PDE11A: variants seen among roughly 807,000 people sequenced by gnomAD.
The protein encoded by PDE11A is dual 3',5'-cyclic-AMP and -GMP phosphodiesterase 11A.
Under a neutral mutation model 100.5 loss-of-function variants are expected in PDE11A, and 100 were observed. The ratio of observed to expected loss-of-function variants is 1.00; its 90% confidence interval spans 0.85 to 1.18. The LOEUF is 1.18. Among genes scored for constraint, PDE11A ranks in the 50% most tolerant of loss-of-function variants. PDE11A has a pLI of 0.00. For synonymous variants in PDE11A, 381 were observed against 420.8 expected, an observed-to-expected ratio of 0.91 and a Z score of 1.16; for missense variants, 1,141 against 1,152.6, an observed-to-expected ratio of 0.99 and a Z score of 0.15.
At chr2:177,814,461 C>T (rs1223025253) in intron 9 of PDE11A, among the ~76,000 whole-genome samples, 2 of 152,072 alleles carry the variant, frequency 1.3e-5, no homozygotes, top group Non-Finnish European at 2.9e-5. Context: ...GCCACCTGAT[C>T]ACTAGTGTCA....
intron 2 of PDE11A, among the ~76,000 whole-genome samples, chr2:178,004,556 T>G (rs1301829579): frequency 6.6e-6 from 1 of 152,216 alleles, no homozygotes; most frequent in East Asian, 1.9e-4. Flanking sequence ...ATAACAATTT[T>G]GCCTGCCAAC....
intron 10 of PDE11A, among the ~76,000 whole-genome samples, chr2:177,766,646 C>T (rs540612506): frequency 7.2e-5 from 11 of 152,134 alleles, no homozygotes; most frequent in South Asian, 2.1e-4. Context: ...TTTCAGTAAA[C>T]GCTTTTCACT....
intron 2 of PDE11A, among the ~76,000 whole-genome samples, chr2:177,999,821 A>C (rs2086122110): frequency 6.6e-6 from 1 of 151,870 alleles, no homozygotes; most frequent in African/African-American, 2.4e-5. Flanking sequence ...TTTTATTTAA[A>C]CCCCCTTTCA....
chr2:177,823,370 A>T (rs7605744), intron 6 of PDE11A, among the ~76,000 whole-genome samples: 16,225 of 152,244 alleles, frequency 0.11, 1,142 homozygotes, highest in Non-Finnish European at 0.15. Flanking sequence ...TGTTTAGAGA[A>T]ATCAGGAGCA....
intron 13 of PDE11A, among the ~76,000 whole-genome samples, chr2:177,703,975 G>A (rs1227978318): frequency 1.3e-5 from 2 of 152,096 alleles, no homozygotes; most frequent in African/African-American, 4.8e-5. Flanking sequence ...TTCCCTCTTT[G>A]TTCTCTTTTG....
At chr2:177,634,051 T>A (rs2079994868) in intron 19 of PDE11A, among the ~76,000 whole-genome samples, 1 of 152,166 alleles carries the variant, frequency 6.6e-6, no homozygotes, top group Non-Finnish European at 1.5e-5. Context: ...CCCTGGCAGG[T>A]ACCCAAGCAT....
At chr2:177,894,181 T>A (rs535551544) in intron 4 of PDE11A, among the ~76,000 whole-genome samples, 1 of 152,286 alleles carries the variant, frequency 6.6e-6, no homozygotes, top group East Asian at 1.9e-4. Context: ...TGCACAGAAC[T>A]GTGACACCTA....
At chr2:177,735,932 T>C (rs1338410228) in intron 10 of PDE11A, among the ~76,000 whole-genome samples, 1 of 152,196 alleles carries the variant, frequency 6.6e-6, no homozygotes, top group Non-Finnish European at 1.5e-5. Flanking sequence ...GTCCCAATTT[T>C]AGTTGTGGCA....
At chr2:177,650,218 A>G (rs2080288101) in intron 19 of PDE11A, among the ~76,000 whole-genome samples, 1 of 152,150 alleles carries the variant, frequency 6.6e-6, no homozygotes. Flanking sequence ...AGATTTTGAA[A>G]AACTCTTCAA....
At chr2:178,101,015 T>C (rs941414170) in intron 2 of PDE11A, among the ~76,000 whole-genome samples, 1 of 152,198 alleles carries the variant, frequency 6.6e-6, no homozygotes, top group Non-Finnish European at 1.5e-5. Context: ...TATTCAGTAG[T>C]CTATCAACTG....
intron 2 of PDE11A, among the ~76,000 whole-genome samples, chr2:177,912,321 A>G (rs1377285740): frequency 1.3e-5 from 2 of 151,788 alleles, no homozygotes; most frequent in East Asian, 3.9e-4. Context: ...CCCTTCCACT[A>G]CTCTAGCCCC....
intron 19 of PDE11A, among the ~76,000 whole-genome samples, chr2:177,632,950 C>G (rs1221362538): frequency 6.6e-6 from 1 of 152,200 alleles, no homozygotes; most frequent in Admixed American, 6.5e-5. Context: ...TTTTCCCAGG[C>G]TCCCCAGAAT....
intron 6 of PDE11A, among the ~76,000 whole-genome samples, chr2:177,820,982 T>C (rs1449963241): frequency 6.6e-6 from 1 of 151,664 alleles, no homozygotes; most frequent in Non-Finnish European, 1.5e-5. Flanking sequence ...CCACTAAGAG[T>C]GAAAGGGTCT....
chr2:178,044,880 CCACTT>C (rs1204348247), intron 1 of PDE11A, among the ~76,000 whole-genome samples: 2 of 152,106 alleles, frequency 1.3e-5, no homozygotes, highest in Non-Finnish European at 2.9e-5. Flanking sequence ...ATACCCCACT[CCACTT>C]ATTATTTTTG....
intron 17 of PDE11A, among the ~76,000 whole-genome samples, chr2:177,670,032 C>A (rs1166539943): frequency 6.6e-6 from 1 of 152,180 alleles, no homozygotes; most frequent in East Asian, 1.9e-4. Context: ...CATGAAAACT[C>A]CTCAACTCCC....
intron 4 of PDE11A, among the ~76,000 whole-genome samples, chr2:177,893,499 A>G (rs183966091): frequency 6.6e-6 from 1 of 152,304 alleles, no homozygotes. Context: ...TTCCTGTATT[A>G]TGAGTAATTC....
intron 5 of PDE11A, among the ~76,000 whole-genome samples, chr2:177,846,838 A>C (rs1259889095): frequency 6.6e-6 from 1 of 152,178 alleles, no homozygotes; most frequent in Non-Finnish European, 1.5e-5. Context: ...TTGGGCATGT[A>C]ATCTCAAATG....
intron 9 of PDE11A, among the ~76,000 whole-genome samples, chr2:177,790,469 A>T (rs1157697239): frequency 1.3e-5 from 2 of 152,022 alleles, no homozygotes; most frequent in Admixed American, 1.3e-4. Flanking sequence ...CATTCAGGAC[A>T]TAGGCAAGGG....
chr2:177,867,756 G>T (rs558752593), intron 5 of PDE11A, among the ~76,000 whole-genome samples: 12 of 152,282 alleles, frequency 7.9e-5, no homozygotes, highest in African/African-American at 2.6e-4. Flanking sequence ...CAATATGATT[G>T]CAGGGTACAA....
Sources: allele counts gnomAD v4.1 joint callset (sites outside exome capture counted in the v4.1 genomes callset), GRCh38; gene constraint gnomAD v4.1.1; transcripts MANE v1.5; gene names NCBI Gene and HGNC (gene_info 2026-07-23, HGNC 2026-07-21).